Variants in PCDHGC4 observed in about 807,000 individuals in gnomAD.
PCDHGC4 encodes protocadherin gamma-C4.
PCDHGC4 carries 15 observed loss-of-function variants against 59.7 expected under a neutral mutation model. The ratio of observed to expected loss-of-function variants is 0.25; its 90% CI spans 0.17 to 0.39. The LOEUF is 0.39. PCDHGC4 is among the 10% of genes least tolerant of loss of function. PCDHGC4 has a pLI of 1.00. For missense variants in PCDHGC4, 1,016 were observed against 1,189.5 expected (o/e 0.85, Z 2.15); for synonymous variants, 434 against 481.4 (o/e 0.90, Z 1.29).
At chr5:141,510,799 C>G in intron 3 of PCDHGC4, 148 bp from the exon 4 acceptor site, 1 of 1,481,460 alleles carries the variant, frequency 6.8e-7, no homozygotes. Context: ...TGAAGAGAGA[C>G]TACCTTGGTG....
At chr5:141,510,906 C>G in intron 3 of PCDHGC4, 41 bp from the exon 4 acceptor site, 1 of 1,613,582 alleles carries the variant, frequency 6.2e-7, no homozygotes, top group Non-Finnish European at 8.5e-7. Context: ...TGTTGAGGAC[C>G]CTAAGTTTAG....
intron 3 of PCDHGC4, 57 bp from the exon 4 acceptor site, chr5:141,510,890 A>G (rs1434557860): frequency 1.2e-5 from 20 of 1,612,748 alleles, no homozygotes; most frequent in South Asian, 3.3e-5. Context: ...GATATAAGAC[A>G]GTGACTGTTG....
chr5:141,506,832 C>T (rs1398190563), intron 3 of PCDHGC4, among the ~76,000 whole-genome samples: 1 of 152,130 alleles, frequency 6.6e-6, no homozygotes, highest in African/African-American at 2.4e-5. Flanking sequence ...GAACTGATAG[C>T]CCTGCCCTCC....
Sources: allele counts gnomAD v4.1 joint callset (sites outside exome capture counted in the v4.1 genomes callset), GRCh38; gene constraint gnomAD v4.1.1; transcripts MANE v1.5; gene names NCBI Gene and HGNC (gene_info 2026-07-23, HGNC 2026-07-21).